FAM149B1: variants seen among roughly 807,000 people sequenced by gnomAD.
The protein encoded by FAM149B1 is family with sequence similarity 149 member B1, also known as primary cilium assembly protein FAM149B1.
FAM149B1 carries 56 observed loss-of-function variants against 75.3 expected under a neutral mutation model. That is an observed-to-expected ratio of 0.74 (90% confidence interval 0.60 to 0.93). The LOEUF is 0.93. Among genes scored for constraint, FAM149B1 ranks in the 40% least tolerant of loss-of-function variants. The pLI is 0.00. For synonymous variants in FAM149B1, 259 were observed against 256.1 expected, an observed-to-expected ratio of 1.01 and a Z score of -0.11; for missense variants, 639 against 708.4, an observed-to-expected ratio of 0.90 and a Z score of 1.11.
At chr10:73,225,000 C>T (rs2043503847) in intron 7 of FAM149B1, among the ~76,000 whole-genome samples, 1 of 152,148 alleles carries the variant, frequency 6.6e-6, no homozygotes, top group African/African-American at 2.4e-5. Flanking sequence ...CTCCTATCAC[C>T]TAATGCCATT....
Position 73,223,515 on chromosome 10 carries a change from A to G in FAM149B1, c.899-4545A>G, listed in dbSNP as rs572542804. Among the ~76,000 whole-genome samples the G allele has an allele frequency of 2.6e-5, 4 of 152,290 alleles. No individual in the cohort carries two copies. In the South Asian group the frequency reaches 8.3e-4, roughly 32 times the overall value. ...TATTTTTGTATATGTCTTTTGATGA[A>G]CTTAAGTACTAGACGCATAAGGGTA... On this transcript the variant is annotated intron_variant, in intron 7 of 13. Transcript: ENST00000242505.
chr10:73,212,511 G>A (rs1361819364), intron 7 of FAM149B1, among the ~76,000 whole-genome samples: 1 of 152,152 alleles, frequency 6.6e-6, no homozygotes, highest in African/African-American at 2.4e-5. Context: ...CCTCACCTCA[G>A]GTGATCCGCC....
intron 9 of FAM149B1, chr10:73,231,031 A>G (rs7098383): frequency 0.1 from 16,041 of 153,190 alleles, 1,225 homozygotes; most frequent in East Asian, 0.31. Flanking sequence ...ATAATTGACA[A>G]TCTTCTAGAA....
intron 5 of FAM149B1, among the ~76,000 whole-genome samples, chr10:73,197,116 G>A (rs952246016): frequency 4.6e-5 from 7 of 151,902 alleles, no homozygotes; most frequent in African/African-American, 7.3e-5. Flanking sequence ...CAATCCTCCC[G>A]CCTCAGCCTC....
At chr10:73,208,893 TTC>T in intron 6 of FAM149B1, 107 bp downstream of exon 6, 1 of 668,234 alleles carries the variant, frequency 1.5e-6, no homozygotes, top group Non-Finnish European at 2.2e-6. Context: ...ATATGCCAGT[TTC>T]TGTTATTTAT....
intron 10 of FAM149B1, among the ~76,000 whole-genome samples, chr10:73,233,594 T>A: frequency 6.6e-6 from 1 of 152,198 alleles, no homozygotes; most frequent in Non-Finnish European, 1.5e-5. Context: ...TCTGCCTGCC[T>A]CAGTCTCCTA....
chr10:73,175,502 T>C (rs964551073), intron 2 of FAM149B1, among the ~76,000 whole-genome samples: 27 of 151,710 alleles, frequency 1.8e-4, no homozygotes, highest in Non-Finnish European at 4.4e-5. Context: ...ACCCCGTCTC[T>C]ACTAAAAATA....
rs919121644 is a variant in FAM149B1, at chr10:73,174,635, A to G, written c.48-52A>G. 1.4e-5 allele frequency: 18 copies of G among 1,285,198 alleles called. No homozygotes were observed. In the African/African-American group the frequency reaches 1.6e-4, roughly 12 times the overall value. 79.6% of individuals were successfully genotyped at this position (1,285,198 alleles called of 1,614,324 possible). The stretch of plus-strand genomic sequence containing the variant: ...ACTAACTTCTAGATTAAATTATTGA[A>G]TTGTATGTATTTTTTTATACAGGAA... On this transcript the variant is annotated intron_variant, in intron 1 of 13. Coordinates refer to ENST00000242505, the MANE Select transcript of FAM149B1 (RefSeq NM_173348.2).
chr10:73,235,430 AG>A, intron 12 of FAM149B1, 112 bp downstream of exon 12: 1 of 1,473,788 alleles, frequency 6.8e-7, no homozygotes, highest in Non-Finnish European at 9.0e-7. Context: ...CCAGAATAAA[AG>A]TTGAGTTTCC....
intron 9 of FAM149B1, among the ~76,000 whole-genome samples, chr10:73,231,661 A>G (rs960805771): frequency 2.8e-5 from 4 of 144,902 alleles, no homozygotes; most frequent in African/African-American, 1.1e-4. Context: ...GTGAAATTCT[A>G]TAGAAATAGA....
intron 5 of FAM149B1, among the ~76,000 whole-genome samples, chr10:73,202,658 G>A (rs1480379212): frequency 8.4e-5 from 5 of 59,486 alleles, no homozygotes; most frequent in South Asian, 6.3e-4. Context: ...CCTCCCAACC[G>A]CCCTTCATCC....
chr10:73,195,090 T>C (rs540202781), intron 5 of FAM149B1, among the ~76,000 whole-genome samples: 1 of 152,344 alleles, frequency 6.6e-6, no homozygotes, highest in South Asian at 2.1e-4. Flanking sequence ...TATACTTAAA[T>C]CTACTGTAAA....
chr10:73,183,749 C>T (rs1279273505), intron 3 of FAM149B1, among the ~76,000 whole-genome samples: 1 of 152,086 alleles, frequency 6.6e-6, no homozygotes, highest in Non-Finnish European at 1.5e-5. Flanking sequence ...AATAAAGAAG[C>T]AATTATTCAT....
chr10:73,223,634 T>G (rs1174255416), intron 7 of FAM149B1, among the ~76,000 whole-genome samples: 1 of 152,174 alleles, frequency 6.6e-6, no homozygotes, highest in Non-Finnish European at 1.5e-5. Context: ...GCCTCTCCAG[T>G]ATTGTGTGAG....
intron 7 of FAM149B1, among the ~76,000 whole-genome samples, chr10:73,221,538 C>G (rs1419333709): frequency 6.6e-6 from 1 of 152,024 alleles, no homozygotes; most frequent in Admixed American, 6.6e-5. Context: ...TTCCTTGGTG[C>G]ATGTATTTTT....
At chr10:73,200,521 C>CT in intron 5 of FAM149B1, 2 of 697,500 alleles carry the variant, frequency 2.9e-6, no homozygotes, top group Non-Finnish European at 4.9e-6. Context: ...CAGAAGATAC[C>CT]TTTTTTCCAA....
At chr10:73,233,241 G>C in intron 10 of FAM149B1, 78 bp downstream of exon 10, 1 of 1,034,178 alleles carries the variant, frequency 9.7e-7, no homozygotes, top group South Asian at 1.4e-5. Flanking sequence ...TTAAATATAA[G>C]ACTGAAATCT....
chr10:73,168,249 G>A lies in FAM149B1; in HGVS notation c.-91G>A. The stretch of plus-strand genomic sequence containing the variant: ...AGGTGGCGGGAGGGGCCGGGCCGGA[G>A]CCGGCGGGAGGGCCAGGCCCGGAGG... On this transcript the variant is annotated 5_prime_UTR_variant, in exon 1 of 14. Transcript: ENST00000242505. The A allele has an allele frequency of 7.0e-7, 1 of 1,424,142 alleles. No individual in the cohort carries two copies. Among genetic ancestry groups the A allele is most frequent in the East Asian group, 2.6e-5 (1 of 39,018 alleles). 88.2% of individuals were successfully genotyped at this position (1,424,142 alleles called of 1,614,324 possible).
At chr10:73,190,396 C>T (rs1030505053) in intron 3 of FAM149B1, among the ~76,000 whole-genome samples, 2 of 151,490 alleles carry the variant, frequency 1.3e-5, no homozygotes, top group African/African-American at 2.4e-5. Flanking sequence ...CTCAAACTCT[C>T]GGGCTCAAGC....
Sources: allele counts gnomAD v4.1 joint callset (sites outside exome capture counted in the v4.1 genomes callset), GRCh38; gene constraint gnomAD v4.1.1; transcripts MANE v1.5; gene names NCBI Gene and HGNC (gene_info 2026-07-23, HGNC 2026-07-21).